PCDHGA7: variants seen among roughly 807,000 people sequenced by gnomAD.
PCDHGA7 encodes protocadherin gamma-A7.
PCDHGA7 carries 44 observed loss-of-function variants against 58.3 expected under a neutral mutation model. The observed-to-expected ratio is 0.75, with a 90% CI of 0.59 to 0.97. The LOEUF (loss-of-function observed/expected upper bound fraction) is 0.97, where lower values mean the gene tolerates loss of function less well. Ranked by LOEUF, PCDHGA7 falls within the 50% of genes least tolerant of loss-of-function variation. PCDHGA7 has a pLI of 0.00. For synonymous variants in PCDHGA7, 516 were observed against 504.2 expected (o/e 1.02, Z -0.31); for missense variants, 1,266 against 1,188.7 (o/e 1.06, Z -0.96).
At position 141,419,393 on chromosome 5, in the gene PCDHGA7, G is replaced by C; in HGVS notation, c.2424+34070G>C. On this transcript the variant is annotated intron_variant, in intron 1 of 3. Transcript: ENST00000518325. ...CTACGTGTCCGTGAGCGCGCAGAGC[G>C]GGGTGGTGTTCGCGCAGCGCGCCTT... 1.2e-6 allele frequency: 2 copies of C among 1,613,620 alleles called. No homozygotes were observed. The highest frequency in any genetic ancestry group is 1.7e-6 in the Non-Finnish European group (2 of 1,179,912).
chr5:141,498,009 C>A (rs1160103624), intron 2 of PCDHGA7, among the ~76,000 whole-genome samples: 1 of 152,146 alleles, frequency 6.6e-6, no homozygotes, highest in Non-Finnish European at 1.5e-5. Context: ...TTACAGTGCA[C>A]TGAAGGAGAC....
chr5:141,397,284 C>G (rs185201660), intron 1 of PCDHGA7, among the ~76,000 whole-genome samples: 47 of 152,188 alleles, frequency 3.1e-4, no homozygotes, highest in African/African-American at 1.1e-3. Context: ...GGGCAGTATA[C>G]TTGAATGAAT....
intron 1 of PCDHGA7, chr5:141,422,633 G>A (rs769515606): frequency 1.9e-6 from 3 of 1,613,120 alleles, no homozygotes; most frequent in Non-Finnish European, 2.5e-6. Flanking sequence ...AACCCCAGGG[G>A]TGCCTCCATC....
chr5:141,490,010 T>C lies in PCDHGA7; in HGVS notation c.2425-4797T>C, dbSNP rs749356078. On this transcript the variant is annotated intron_variant, in intron 1 of 3. Coordinates refer to ENST00000518325, the MANE Select transcript of PCDHGA7 (RefSeq NM_018920.4). The surrounding 1 kb of genome is among the most constrained non-coding windows in gnomAD (Gnocchi z 5.4). ...GTGGGAATCCCAGAGAATGCACCCA[T>C]TGGTACTCTGCTGCTCCGCCTCAAT... 11 of 1,614,198 alleles carry C rather than the reference T, an allele frequency of 6.8e-6. No homozygotes were observed. The highest frequency in any genetic ancestry group is 2.2e-5 in the South Asian group (2 of 91,082).
chr5:141,403,054 A>G, intron 1 of PCDHGA7: 6 of 1,614,062 alleles, frequency 3.7e-6, no homozygotes, highest in Non-Finnish European at 5.1e-6. Flanking sequence ...TTCGCTACTC[A>G]GTGCCTGAAG....
intron 1 of PCDHGA7, among the ~76,000 whole-genome samples, chr5:141,405,967 G>A (rs76683972): frequency 6.6e-6 from 1 of 152,068 alleles, no homozygotes; most frequent in Non-Finnish European, 1.5e-5. Flanking sequence ...TGCTGTCAAC[G>A]TAAACCATAC....
chr5:141,438,806 C>T (rs866521707), intron 1 of PCDHGA7, among the ~76,000 whole-genome samples: 20 of 149,390 alleles, frequency 1.3e-4, no homozygotes, highest in Admixed American at 6.7e-4. Flanking sequence ...GGATTACAGG[C>T]GCCTGTCACC....
rs1036281905 is a variant in PCDHGA7 at position 141,493,555 on chromosome 5, T to A, written c.2425-1252T>A. Among the ~76,000 whole-genome samples, 3 of 152,012 alleles carry A rather than the reference T, an allele frequency of 2.0e-5. No individual in the cohort carries two copies. ...GCCAGTTATCCTTTTGGAGATTGAG[T>A]TCCCCCAGCTCCGTTTCCTCCTATC... On this transcript the variant is annotated intron_variant, in intron 1 of 3. Transcript: ENST00000518325. The surrounding 1 kb of genome is among the most constrained non-coding windows in gnomAD (Gnocchi z 4.3).
Position 141,491,880 on chromosome 5 carries a change from G to C in PCDHGA7, c.2425-2927G>C. ...GCGAAACCAGAGTGGCCGATTAAGG[G>C]ATGGGGCTCCGAGCACCGGGGGTGG... On this transcript the variant is annotated intron_variant, in intron 1 of 3. Transcript: ENST00000518325. This position sits in a 1 kb window ranked among gnomAD's most constrained non-coding sequence, Gnocchi z 6.9. 1 of 1,449,834 alleles carries C rather than the reference G, an allele frequency of 6.9e-7. No individual in the cohort carries two copies. 89.8% of individuals were successfully genotyped at this position (1,449,834 alleles called of 1,614,324 possible).
At chr5:141,471,743 C>T (rs769600930) in intron 1 of PCDHGA7, among the ~76,000 whole-genome samples, 2 of 152,142 alleles carry the variant, frequency 1.3e-5, no homozygotes, top group Non-Finnish European at 2.9e-5. Flanking sequence ...GGAGACATAA[C>T]ATATTTGAGG....
At position 141,491,222 on chromosome 5, in the gene PCDHGA7, C is replaced by A. The variant is rs1185734506; in HGVS notation, c.2425-3585C>A. 6.2e-7 allele frequency: 1 copy of A among 1,614,268 alleles called. No homozygotes were observed. Among genetic ancestry groups the A allele is most frequent in the East Asian group, 2.2e-5 (1 of 44,892 alleles). On this transcript the variant is annotated intron_variant, in intron 1 of 3. Transcript: ENST00000518325. This position sits in a 1 kb window ranked among gnomAD's most constrained non-coding sequence, Gnocchi z 6.9. Reference sequence around the variant, plus strand: ...GACCCTTCACTCTCCTCCACAGCCACAGTGCTGCTGGTTCTGGAGGATGAG... The same window carrying A: ...GACCCTTCACTCTCCTCCACAGCCAAAGTGCTGCTGGTTCTGGAGGATGAG...
chr5:141,421,254 C>T, intron 1 of PCDHGA7: 1 of 1,607,460 alleles, frequency 6.2e-7, no homozygotes, highest in East Asian at 2.2e-5. Flanking sequence ...AGCGCGGGGA[C>T]CGCAGTCGGC....
At chr5:141,392,973 C>A (rs1405082783) in intron 1 of PCDHGA7, 1 of 1,613,888 alleles carries the variant, frequency 6.2e-7, no homozygotes, top group South Asian at 1.1e-5. Flanking sequence ...GGACCTGGGG[C>A]TGGACCCCCG....
intron 1 of PCDHGA7, chr5:141,419,095 G>A (rs1478382101): frequency 1.2e-6 from 2 of 1,613,816 alleles, no homozygotes; most frequent in African/African-American, 2.7e-5. Context: ...CCCTGGATCG[G>A]GAGCAGACCC....
chr5:141,403,079 T>A (rs770770660), intron 1 of PCDHGA7: 1 of 1,614,064 alleles, frequency 6.2e-7, no homozygotes, highest in East Asian at 2.2e-5. Context: ...AGAAAAGGGC[T>A]ATATTGTGGG....
intron 1 of PCDHGA7, chr5:141,400,610 T>C (rs1561677991): frequency 3.2e-6 from 5 of 1,573,090 alleles, no homozygotes; most frequent in Non-Finnish European, 4.4e-6. Flanking sequence ...TCAAGTCCAA[T>C]GAGTTGTCTT....
intron 1 of PCDHGA7, chr5:141,419,543 G>A (rs573594140): frequency 2.5e-5 from 40 of 1,612,106 alleles, no homozygotes; most frequent in African/African-American, 2.0e-4. Context: ...CGCACCGCGG[G>A]TGCTGTACCC....
At chr5:141,478,924 T>C (rs1213046748) in intron 1 of PCDHGA7, 10 of 704,004 alleles carry the variant, frequency 1.4e-5, no homozygotes. Context: ...CTCTAACCAG[T>C]GGCAGCTTCT....
At position 141,487,137 on chromosome 5, in the gene PCDHGA7, T is replaced by A. The variant is rs2154580779; in HGVS notation, c.2425-7670T>A. ...GTAAAGGATAGTGGTAGTCCACCAC[T>A]CTCTACCTCTGTTACTCTCTTAGTG... On this transcript the variant is annotated intron_variant, in intron 1 of 3. Coordinates refer to ENST00000518325, the MANE Select transcript of PCDHGA7 (RefSeq NM_018920.4). The surrounding 1 kb of genome is among the most constrained non-coding windows in gnomAD (Gnocchi z 5.0). 1.9e-6 allele frequency: 3 copies of A among 1,614,092 alleles called. No individual in the cohort carries two copies. The East Asian group carries it at 6.7e-5, about 36-fold the overall frequency.
Sources: gnomAD v4.1 joint callset for allele counts (sites outside exome capture counted in the v4.1 genomes callset) on GRCh38, gnomAD v4.1.1 for gene constraint, Gnocchi (gnomAD v3.1) non-coding constraint, MANE v1.5 for transcripts, NCBI Gene and HGNC (gene_info 2026-07-23, HGNC 2026-07-21) for gene names.